Variants in MYO1E observed in about 807,000 individuals in gnomAD.
The protein encoded by MYO1E is unconventional myosin-Ie.
A neutral mutation model predicts 151.1 loss-of-function variants in MYO1E; 68 were observed. The observed-to-expected ratio is 0.45, with a 90% CI of 0.37 to 0.55. The LOEUF is 0.55. Among genes scored for constraint, MYO1E ranks in the 20% least tolerant of loss-of-function variants. The probability of loss-of-function intolerance (pLI) is 0.00; values close to 1 mark genes in which losing one functional copy is unlikely to be tolerated. For synonymous variants in MYO1E, 601 were observed against 501.7 expected (o/e 1.20, Z -2.64); for missense variants, 1,363 against 1,389.3 (o/e 0.98, Z 0.30).
rs1026989005 is a variant in MYO1E, at chr15:59,137,475, G to A, written c.3251-19C>T. 39 of 1,611,306 alleles carry A rather than the reference G, an allele frequency of 2.4e-5. No homozygotes were observed. Among genetic ancestry groups the A allele is most frequent in the Non-Finnish European group, 3.2e-5 (38 of 1,177,518 alleles). ...GAAGGATCTGCAGGGAGAGAGAGGT[G>A]GTGGAAGTGAAGATGAGAAAGTCTG... On this transcript the variant is annotated intron_variant, in intron 27 of 27. Coordinates refer to ENST00000288235, the MANE Select transcript of MYO1E (RefSeq NM_004998.4).
chr15:59,202,755 T>C (rs2079809903), intron 15 of MYO1E, among the ~76,000 whole-genome samples: 1 of 152,176 alleles, frequency 6.6e-6, no homozygotes, highest in Non-Finnish European at 1.5e-5. Flanking sequence ...TTTTGTTTTG[T>C]TTTTGAGACA....
At chr15:59,352,785 C>G (rs1437281348) in intron 1 of MYO1E, among the ~76,000 whole-genome samples, 2 of 152,184 alleles carry the variant, frequency 1.3e-5, no homozygotes, top group South Asian at 2.1e-4. Context: ...CCCAGCCCCC[C>G]TCAAAGGCTC....
At chr15:59,252,988 G>A (rs1175744124) in intron 4 of MYO1E, among the ~76,000 whole-genome samples, 1 of 152,230 alleles carries the variant, frequency 6.6e-6, no homozygotes, top group African/African-American at 2.4e-5. Context: ...AGATCTTAAA[G>A]AAGGAAACCA....
rs1298138022 is a variant in MYO1E at position 59,372,823 on chromosome 15, C to T, written c.-323G>A. ...GAGCGTCCGCCTCGCTCCCCTGCCTCACTCCTCTTTCTTCGGCCACTTAAT... is the reference window on the plus strand; with the variant it reads ...GAGCGTCCGCCTCGCTCCCCTGCCTTACTCCTCTTTCTTCGGCCACTTAAT... On this transcript the variant is annotated 5_prime_UTR_variant, in exon 1 of 28. Transcript: ENST00000288235. The T allele has an allele frequency of 2.1e-6, 1 of 473,768 alleles. No homozygotes were observed. The highest frequency in any genetic ancestry group is 3.7e-6 in the Non-Finnish European group (1 of 267,508). The allele number at this position is 473,768 out of a possible 1,614,324, so 29.3% of individuals were successfully genotyped here. A position where few individuals can be genotyped will look rare whatever the true frequency, so the allele number is the denominator to read the frequency against.
chr15:59,348,050 G>C (rs533252167), intron 1 of MYO1E, among the ~76,000 whole-genome samples: 2 of 152,158 alleles, frequency 1.3e-5, no homozygotes, highest in Admixed American at 1.3e-4. Context: ...AGATTTTGAA[G>C]CCTCATCCCA....
chr15:59,305,029 G>T (rs1176048183), intron 1 of MYO1E, among the ~76,000 whole-genome samples: 1 of 152,202 alleles, frequency 6.6e-6, no homozygotes, highest in Non-Finnish European at 1.5e-5. Context: ...GCCGAGCTGT[G>T]AGCACCTGAC....
At chr15:59,144,981 C>T (rs1181843690) in intron 26 of MYO1E, among the ~76,000 whole-genome samples, 2 of 152,006 alleles carry the variant, frequency 1.3e-5, no homozygotes, top group Non-Finnish European at 2.9e-5. Context: ...GTAGTTGGGA[C>T]TACAGGCATG....
At position 59,267,444 on chromosome 15, in the gene MYO1E, C is replaced by T. The variant is rs189402947; in HGVS notation, c.147+4862G>A. 1.0e-3 allele frequency among the ~76,000 whole-genome samples: 158 copies of T among 152,312 alleles called. 1 individual carries two copies. The highest frequency in any genetic ancestry group is 1.9e-3 in the Non-Finnish European group (130 of 68,030). ...AGGTGAGTTGACTTCCCCAGAGTCA[C>T]GTGGAGAGTGGGTGGCCTGGAACTC... On this transcript the variant is annotated intron_variant, in intron 2 of 27. Coordinates refer to ENST00000288235, the MANE Select transcript of MYO1E (RefSeq NM_004998.4).
Position 59,178,539 on chromosome 15 carries a change from T to A in MYO1E, c.1905-2A>T. On this transcript the variant is annotated splice_acceptor_variant, in intron 18 of 27. Coordinates refer to ENST00000288235, the MANE Select transcript of MYO1E (RefSeq NM_004998.4). LOFTEE classifies it high-confidence loss of function. ...GTGGCTTTGGTCAGAATGGCATACC[T>A]GTGGGGACATTGGGGAGAAGAGAAT... 1 of 1,613,982 alleles carries A rather than the reference T, an allele frequency of 6.2e-7. No individual in the cohort carries two copies. Among genetic ancestry groups the A allele is most frequent in the South Asian group, 1.1e-5 (1 of 91,078 alleles).
intron 5 of MYO1E, among the ~76,000 whole-genome samples, chr15:59,236,367 TATACAC>T (rs1299770957): frequency 1.0e-3 from 24 of 23,582 alleles, no homozygotes; most frequent in African/African-American, 1.9e-3. Context: ...AAAAAAAATA[TATACAC>T]ACACACACAC....
chr15:59,230,442 CT>C (rs1473476179), intron 6 of MYO1E, among the ~76,000 whole-genome samples: 11 of 145,578 alleles, frequency 7.6e-5, no homozygotes, highest in Non-Finnish European at 1.5e-4. Context: ...TTTTTTTTTT[CT>C]GGTCTCCAAG....
chr15:59,210,441 A>G (rs2140340249), intron 13 of MYO1E, 73 bp downstream of exon 13: 1 of 1,092,444 alleles, frequency 9.2e-7, no homozygotes, highest in South Asian at 1.3e-5. Flanking sequence ...TTCTAAAACA[A>G]TGACACAGAG....
At chr15:59,158,445 T>C (rs2140309284) in intron 24 of MYO1E, 66 bp from the exon 25 acceptor site, 2 of 1,290,270 alleles carry the variant, frequency 1.6e-6, no homozygotes, top group Non-Finnish European at 2.2e-6. Context: ...TCATGGTTCT[T>C]TGCATATGGA....
Position 59,173,821 on chromosome 15 carries a change from T to A in MYO1E, c.2259A>T (p.Glu753Asp). ...CCCTCTTGCCCACGAACTGCTGGAG[T>A]TCTGGGTGCTCTTCCATCCCAATAT... Reference protein sequence around the residue: ...GDYIGMEEHPELQQFVGKREK... With the variant: ...GDYIGMEEHPDLQQFVGKREK... The change falls in exon 21 of 28, where the codon GAA becomes GAT. Residue 753 changes from glutamate (E) to aspartate (D), a missense_variant. Transcript: ENST00000288235. 6.2e-7 allele frequency: 1 copy of A among 1,614,022 alleles called. No individual in the cohort carries two copies. Among genetic ancestry groups the A allele is most frequent in the Non-Finnish European group, 8.5e-7 (1 of 1,179,958 alleles).
chr15:59,272,241 C>A (rs1040799388), intron 2 of MYO1E, 65 bp downstream of exon 2: 4 of 1,591,572 alleles, frequency 2.5e-6, no homozygotes, highest in African/African-American at 1.3e-5. Flanking sequence ...CAGCATAAAG[C>A]CACAATTTAA....
intron 16 of MYO1E, among the ~76,000 whole-genome samples, chr15:59,197,007 T>TTTTG: frequency 1.5e-5 from 2 of 137,586 alleles, no homozygotes; most frequent in Non-Finnish European, 3.1e-5. Flanking sequence ...TTTTTTTTTT[T>TTTTG]TTTGAGATGG....
intron 9 of MYO1E, among the ~76,000 whole-genome samples, chr15:59,220,924 TTAAAAAAAA>T (rs1187781693): frequency 1.3e-4 from 3 of 23,062 alleles, no homozygotes; most frequent in Non-Finnish European, 3.6e-4. Context: ...ACCCCATCTC[TTAAAAAAAA>T]AAAAAAAAAA....
chr15:59,348,862 C>G (rs2080808485), intron 1 of MYO1E: 1 of 152,202 alleles, frequency 6.6e-6, no homozygotes, highest in Non-Finnish European at 1.5e-5. Context: ...AACTCCTGAC[C>G]TCAGGTGATC....
At chr15:59,205,681 G>A (rs1566978123) in intron 14 of MYO1E, among the ~76,000 whole-genome samples, 196 bp from the exon 15 acceptor site, 2 of 152,262 alleles carry the variant, frequency 1.3e-5, no homozygotes, top group Middle Eastern at 3.4e-3. Context: ...GGCTGTGCAC[G>A]TCTTACTTGT....
Sources: gnomAD v4.1 joint callset for allele counts (sites outside exome capture counted in the v4.1 genomes callset) on GRCh38, gnomAD v4.1.1 for gene constraint, MANE v1.5 for transcripts, NCBI Gene and HGNC (gene_info 2026-07-23, HGNC 2026-07-21) for gene names.